CIT: variants seen among roughly 807,000 people sequenced by gnomAD.
CIT encodes the protein citron rho-interacting serine/threonine kinase, also known as citron Rho-interacting kinase.
Under a neutral mutation model 272.7 loss-of-function variants are expected in CIT, and 79 were observed. That is an observed-to-expected ratio of 0.29 (90% CI 0.24 to 0.35). CIT has a LOEUF of 0.35. CIT is among the 10% of genes least tolerant of loss of function. The pLI, the probability that CIT is intolerant of heterozygous loss-of-function variation, is 1.00. For missense variants in CIT, 1,909 were observed against 2,618.3 expected, an observed-to-expected ratio of 0.73 and a Z score of 5.91; for synonymous variants, 948 against 995.6, an observed-to-expected ratio of 0.95 and a Z score of 0.90.
rs180740663 is a variant in CIT, at chr12:119,732,757, T to C, written c.3350+1407A>G. On this transcript the variant is annotated intron_variant, in intron 26 of 47. Coordinates refer to ENST00000392521, the MANE Select transcript of CIT (RefSeq NM_001206999.2). The stretch of plus-strand genomic sequence containing the variant: ...GTGAGTGTAATACAGACTAATTCAT[T>C]GATCGATATTTCTATGGATAGCTAA... Among the ~76,000 whole-genome samples, 452 of 152,304 alleles carry C rather than the reference T, an allele frequency of 3.0e-3. 4 individuals are homozygous for C. Among genetic ancestry groups the C allele is most frequent in the South Asian group, 0.015 (74 of 4,832 alleles).
intron 9 of CIT, among the ~76,000 whole-genome samples, chr12:119,812,112 C>T (rs1966853290): frequency 6.6e-6 from 1 of 151,364 alleles, no homozygotes; most frequent in Admixed American, 6.6e-5. Context: ...TGCCTGGATA[C>T]TTTTTTTGTA....
chr12:119,824,170 G>A (rs1372561764), intron 8 of CIT, among the ~76,000 whole-genome samples: 2 of 136,470 alleles, frequency 1.5e-5, no homozygotes, highest in Non-Finnish European at 3.1e-5. Context: ...ATATGTAATT[G>A]TATTTCTAAT....
chr12:119,753,892 C>T (rs1354576600), intron 22 of CIT, among the ~76,000 whole-genome samples: 2 of 152,092 alleles, frequency 1.3e-5, no homozygotes, highest in Non-Finnish European at 1.5e-5. Context: ...TTGAGCCCTG[C>T]GGGAGACATC....
At chr12:119,699,711 G>A (rs1452224239) in intron 44 of CIT, 2 of 434,594 alleles carry the variant, frequency 4.6e-6, no homozygotes, top group African/African-American at 2.0e-5. Flanking sequence ...GGGCTTTCTA[G>A]TTGTCCCAGT....
chr12:119,725,761 C>A (rs1958060950), intron 28 of CIT, among the ~76,000 whole-genome samples: 1 of 152,256 alleles, frequency 6.6e-6, no homozygotes, highest in South Asian at 2.1e-4. Context: ...TGACTCACCA[C>A]ATAACCTTGG....
chr12:119,731,813 A>AATATATATACAT lies in CIT; in HGVS notation c.3351-1184_3351-1183insATGTATATATAT, dbSNP rs1369952457. The stretch of plus-strand genomic sequence containing the variant: ...AAAGCATAACTGTATTTCTCTCCTA[A>AATATATATACAT]ATATATATATATATATATATATATA... On this transcript the variant is annotated intron_variant, in intron 26 of 47. Coordinates refer to ENST00000392521, the MANE Select transcript of CIT (RefSeq NM_001206999.2). 7.3e-3 allele frequency among the ~76,000 whole-genome samples: 1,015 copies of AATATATATACAT among 139,138 alleles called. 21 individuals are homozygous for AATATATATACAT. Among genetic ancestry groups the AATATATATACAT allele is most frequent in the African/African-American group, 0.027 (958 of 36,034 alleles). The allele number at this position is 139,138 out of a possible 152,430, so 91.3% of individuals were successfully genotyped here.
At chr12:119,711,795 G>T (rs1957173457) in intron 37 of CIT, among the ~76,000 whole-genome samples, 1 of 152,150 alleles carries the variant, frequency 6.6e-6, no homozygotes, top group Admixed American at 6.5e-5. Context: ...AACTACAGGT[G>T]CATGTCACCA....
chr12:119,822,537 C>A lies in CIT; in HGVS notation c.1111+283G>T, dbSNP rs146561046. 9.6e-4 allele frequency among the ~76,000 whole-genome samples: 146 copies of A among 152,284 alleles called. 1 individual carries two copies. The highest frequency in any genetic ancestry group is 3.3e-3 in the African/African-American group (136 of 41,550). ...GAAACTGTGTCAAACCAAGTGACAA[C>A]CTTCAAACTCCATTAATCTGTGCCT... On this transcript the variant is annotated intron_variant, in intron 9 of 47. Transcript: ENST00000392521.
intron 2 of CIT, among the ~76,000 whole-genome samples, chr12:119,873,825 A>T (rs1306555240): frequency 1.3e-5 from 2 of 151,952 alleles, no homozygotes; most frequent in African/African-American, 4.8e-5. Flanking sequence ...TCATCATCTT[A>T]CAGGTATCCT....
In CIT at chr12:119,710,408, G is replaced by A; in HGVS notation, c.4936-22C>T. 6.2e-7 allele frequency: 1 copy of A among 1,614,012 alleles called. No homozygotes were observed. Among genetic ancestry groups the A allele is most frequent in the Non-Finnish European group, 8.5e-7 (1 of 1,179,974 alleles). ...CCACCTGCAAGGGCAGAAGTCCGAA[G>A]GCAGAACATAAGCACGGTCACGTCA... On this transcript the variant is annotated intron_variant, in intron 38 of 47. Transcript: ENST00000392521. The surrounding 1 kb of genome is among the most constrained non-coding windows in gnomAD (Gnocchi z 5.6).
chr12:119,772,804 G>A lies in CIT; in HGVS notation c.2048C>T (p.Ser683Phe), dbSNP rs1376572432. The A allele has an allele frequency of 6.2e-7, 1 of 1,613,898 alleles. No individual in the cohort carries two copies. Among genetic ancestry groups the A allele is most frequent in the Admixed American group, 1.7e-5 (1 of 59,998 alleles). The change falls in exon 17 of 48, where the codon TCT becomes TTT. Residue 683 changes from serine to phenylalanine, a missense_variant. Ser to Phe is a radical substitution (Grantham distance 155, BLOSUM62 -2). Around this residue, in one of 8 missense-constraint regions of CIT, gnomAD observed 530 missense variants for 822.4 expected, o/e 0.64. Coordinates refer to ENST00000392521, the MANE Select transcript of CIT (RefSeq NM_001206999.2). ...LEKLQNREDS[S>F]EGIRKKLVEA... Reference sequence around the variant, plus strand: ...CACCAGCTTCTTTCTGATGCCTTCAGAAGAATCCTCTCGGTTCTGCAGCTT... The same window carrying A: ...CACCAGCTTCTTTCTGATGCCTTCAAAAGAATCCTCTCGGTTCTGCAGCTT...
At chr12:119,731,075 C>G (rs1050091356) in intron 26 of CIT, among the ~76,000 whole-genome samples, 4 of 151,404 alleles carry the variant, frequency 2.6e-5, no homozygotes, top group African/African-American at 9.7e-5. Flanking sequence ...TGCAGTGAGC[C>G]GAGATCACAC....
chr12:119,761,159 G>T, intron 19 of CIT, 104 bp from the exon 20 acceptor site: 1 of 896,956 alleles, frequency 1.1e-6, no homozygotes, highest in South Asian at 1.4e-5. Context: ...GAAAAGCAGG[G>T]GAGAGGCCCG....
chr12:119,851,808 C>T (rs1465022965), intron 4 of CIT, among the ~76,000 whole-genome samples: 2 of 152,020 alleles, frequency 1.3e-5, no homozygotes, highest in African/African-American at 2.4e-5. Flanking sequence ...AGGCCAAGGC[C>T]GGAAGACTGC....
chr12:119,699,014 G>A (rs1593382915), intron 44 of CIT, among the ~76,000 whole-genome samples: 1 of 152,242 alleles, frequency 6.6e-6, no homozygotes, highest in East Asian at 1.9e-4. Flanking sequence ...CAGCACTTTG[G>A]GAGGCCGAGG....
chr12:119,736,925 T>C (rs183902480), intron 24 of CIT, among the ~76,000 whole-genome samples: 1 of 152,322 alleles, frequency 6.6e-6, no homozygotes, highest in African/African-American at 2.4e-5. Context: ...GCTTGGAAGA[T>C]ATAAAATGGA....
At chr12:119,845,498 C>A (rs150226919) in intron 5 of CIT, among the ~76,000 whole-genome samples, 1 of 151,190 alleles carries the variant, frequency 6.6e-6, no homozygotes, top group African/African-American at 2.4e-5. Context: ...ACTAAAAATA[C>A]AAAAATTTGC....
intron 7 of CIT, among the ~76,000 whole-genome samples, chr12:119,832,412 T>C (rs1269559425): frequency 6.6e-6 from 1 of 152,234 alleles, no homozygotes. Context: ...AAATAGAGGA[T>C]TTGACATGCA....
At chr12:119,732,865 G>T (rs992499351) in intron 26 of CIT, among the ~76,000 whole-genome samples, 1 of 152,176 alleles carries the variant, frequency 6.6e-6, no homozygotes, top group Non-Finnish European at 1.5e-5. Flanking sequence ...AAATGGATCC[G>T]ATTCAGCTGT....
Sources: allele counts gnomAD v4.1 joint callset (sites outside exome capture counted in the v4.1 genomes callset), GRCh38; gene constraint gnomAD v4.1.1; regional missense constraint gnomAD v4.1.1; non-coding constraint Gnocchi (gnomAD v3.1); transcripts MANE v1.5; gene names NCBI Gene and HGNC (gene_info 2026-07-23, HGNC 2026-07-21).